The following LRRTM4 variants were observed in gnomAD, a reference collection of about 807,000 sequenced individuals.
LRRTM4 encodes leucine-rich repeat transmembrane neuronal protein 4.
In LRRTM4, 25 loss-of-function variants were observed where a neutral mutation model predicts 47.6. The observed-to-expected ratio is 0.53, with a 90% CI of 0.38 to 0.73. LRRTM4 has a LOEUF of 0.73. LRRTM4 is among the 30% of genes least tolerant of loss of function. The pLI, the probability that LRRTM4 is intolerant of heterozygous loss-of-function variation, is 0.00. For missense variants in LRRTM4, 638 were observed against 713.4 expected (o/e 0.89, Z 1.20); for synonymous variants, 311 against 269.5 (o/e 1.15, Z -1.51).
At chr2:76,879,372 T>G (rs1672865467) in intron 3 of LRRTM4, among the ~76,000 whole-genome samples, 1 of 152,164 alleles carries the variant, frequency 6.6e-6, no homozygotes, top group Admixed American at 6.5e-5. Flanking sequence ...TCCTAAAATT[T>G]TAGGGCCATT....
At chr2:76,971,744 G>GTGATAAT (rs1457382267) in intron 3 of LRRTM4, among the ~76,000 whole-genome samples, 1 of 152,024 alleles carries the variant, frequency 6.6e-6, no homozygotes, top group East Asian at 1.9e-4. Flanking sequence ...CAAAAATTCA[G>GTGATAAT]TGATAATTTT....
intron 3 of LRRTM4, among the ~76,000 whole-genome samples, chr2:77,356,267 C>T (rs1263798318): frequency 6.6e-6 from 1 of 152,116 alleles, no homozygotes; most frequent in Admixed American, 6.5e-5. Context: ...ATCTGAAGAA[C>T]ATTTCAAAGA....
chr2:77,021,695 C>A (rs1553445988), intron 3 of LRRTM4, among the ~76,000 whole-genome samples: 2 of 152,098 alleles, frequency 1.3e-5, no homozygotes, highest in Non-Finnish European at 2.9e-5. Flanking sequence ...GGGAGGTTAG[C>A]AAAAGAAAGT....
chr2:76,781,682 C>T (rs1418390009), intron 3 of LRRTM4, among the ~76,000 whole-genome samples: 1 of 152,250 alleles, frequency 6.6e-6, no homozygotes, highest in African/African-American at 2.4e-5. Context: ...TAACCCGGTA[C>T]CTCAGATGGA....
In LRRTM4 at chr2:77,033,521, C is replaced by T. The variant is rs1573478063; in HGVS notation, c.1552-284605G>A. Among the ~76,000 whole-genome samples the T allele has an allele frequency of 2.0e-5, 3 of 151,646 alleles. No individual in the cohort carries two copies. The Middle Eastern group carries it at 0.01, about 519-fold the overall frequency. On this transcript the variant is annotated intron_variant, in intron 3 of 3. Coordinates refer to ENST00000409884, the MANE Select transcript of LRRTM4 (RefSeq NM_001134745.3). ...AATTAAATCACCATTCCCTGTGTAC[C>T]GAATATCAATTTTATTGAAGGAGGA... is the stretch of plus-strand genomic sequence containing the variant.
intron 3 of LRRTM4, among the ~76,000 whole-genome samples, chr2:77,510,380 A>C (rs1283404439): frequency 6.6e-6 from 1 of 152,120 alleles, no homozygotes; most frequent in African/African-American, 2.4e-5. Context: ...TAGAATTTAT[A>C]CCCAAAGACT....
At chr2:77,517,437 T>C in intron 3 of LRRTM4, 2 of 985,112 alleles carry the variant, frequency 2.0e-6, no homozygotes, top group Middle Eastern at 5.2e-4. Flanking sequence ...ACAGCAATAC[T>C]GACAAACAGT....
intron 3 of LRRTM4, among the ~76,000 whole-genome samples, chr2:77,346,428 T>G (rs553174883): frequency 1.1e-4 from 16 of 152,226 alleles, no homozygotes; most frequent in African/African-American, 3.4e-4. Flanking sequence ...GCCAAAACAA[T>G]GACGGATAGA....
At chr2:77,058,959 TTGAG>T (rs200215295) in intron 3 of LRRTM4, among the ~76,000 whole-genome samples, 2,830 of 152,234 alleles carry the variant, frequency 0.019, 76 homozygotes, top group African/African-American at 0.057. Context: ...GAGTTTTTTA[TTGAG>T]TGAGTATTGA....
rs569449492 is a variant in LRRTM4, at chr2:77,187,241, T to C, written c.1551+331077A>G. On this transcript the variant is annotated intron_variant, in intron 3 of 3. Transcript: ENST00000409884. ...GGTGCCATTGATGCTACAAAGTTCC[T>C]TGTGAGCATGTGTTGAACCTCGATT... Among the ~76,000 whole-genome samples the C allele has an allele frequency of 4.6e-5, 7 of 152,282 alleles. No individual in the cohort carries two copies. The South Asian group carries it at 1.4e-3, about 32-fold the overall frequency.
At chr2:77,128,745 T>G (rs1428985073) in intron 3 of LRRTM4, among the ~76,000 whole-genome samples, 2 of 152,136 alleles carry the variant, frequency 1.3e-5, no homozygotes, top group African/African-American at 4.8e-5. Context: ...GTTCAAGCGA[T>G]TCTCCTCCCT....
intron 3 of LRRTM4, among the ~76,000 whole-genome samples, chr2:76,905,708 T>A (rs958942789): frequency 1.4e-5 from 2 of 147,912 alleles, no homozygotes; most frequent in Non-Finnish European, 3.0e-5. Context: ...TGCAGAAGCC[T>A]CAGGAGCCGA....
intron 3 of LRRTM4, among the ~76,000 whole-genome samples, chr2:76,820,791 TA>T (rs982241883): frequency 6.6e-5 from 10 of 151,700 alleles, no homozygotes; most frequent in Admixed American, 6.6e-5. Flanking sequence ...TTTAATACTA[TA>T]AAAAACTGTG....
At chr2:77,278,506 G>C (rs1005047794) in intron 3 of LRRTM4, among the ~76,000 whole-genome samples, 2 of 151,606 alleles carry the variant, frequency 1.3e-5, no homozygotes, top group African/African-American at 4.8e-5. Context: ...GATTAAGTTT[G>C]CCTGGAAATA....
At chr2:76,829,192 A>G (rs76610296) in intron 3 of LRRTM4, among the ~76,000 whole-genome samples, 14,579 of 152,016 alleles carry the variant, frequency 0.096, 776 homozygotes, top group Middle Eastern at 0.17. Context: ...CACAGACTTA[A>G]GACATAACCC....
chr2:77,354,865 C>T (rs1190520576), intron 3 of LRRTM4, among the ~76,000 whole-genome samples: 1 of 152,152 alleles, frequency 6.6e-6, no homozygotes, highest in East Asian at 1.9e-4. Context: ...CCACAGCACC[C>T]TGGGTGGTAC....
chr2:77,148,639 T>A (rs1672337507), intron 3 of LRRTM4, among the ~76,000 whole-genome samples: 2 of 152,118 alleles, frequency 1.3e-5, no homozygotes, highest in African/African-American at 4.8e-5. Context: ...GAAGGTAAAT[T>A]TGAAAACAGA....
chr2:76,817,200 A>G (rs1670927577), intron 3 of LRRTM4, among the ~76,000 whole-genome samples: 1 of 151,958 alleles, frequency 6.6e-6, no homozygotes, highest in South Asian at 2.1e-4. Flanking sequence ...CCAGGAGTGC[A>G]TGCAGTTGTT....
Position 76,942,981 on chromosome 2 carries a change from T to C in LRRTM4, c.1552-194065A>G, listed in dbSNP as rs1410864103. ...CTTAAACTACGTTTCCTAGTCCTTTTCCCTTTCTATACAAAAGAACAAGAG... is the reference window on the plus strand; with the variant it reads ...CTTAAACTACGTTTCCTAGTCCTTTCCCCTTTCTATACAAAAGAACAAGAG... On this transcript the variant is annotated intron_variant, in intron 3 of 3. Transcript: ENST00000409884. 3.3e-5 allele frequency among the ~76,000 whole-genome samples: 5 copies of C among 152,136 alleles called. No homozygotes were observed. The East Asian group carries it at 9.6e-4, about 29-fold the overall frequency.
Sources: allele counts gnomAD v4.1 joint callset (sites outside exome capture counted in the v4.1 genomes callset), GRCh38; gene constraint gnomAD v4.1.1; transcripts MANE v1.5; gene names NCBI Gene and HGNC (gene_info 2026-07-23, HGNC 2026-07-21).